Variants in INTU observed in about 807,000 individuals in gnomAD.
INTU encodes the protein inturned planar cell polarity protein, also known as protein inturned.
INTU carries 68 observed loss-of-function variants against 100.5 expected under a neutral mutation model. That is an observed-to-expected ratio of 0.68 (90% CI 0.56 to 0.83). The LOEUF is 0.83. Ranked by LOEUF, INTU falls within the 40% of genes least tolerant of loss-of-function variation. The pLI is 0.00. For missense variants in INTU, 1,071 were observed against 1,114.7 expected, an observed-to-expected ratio of 0.96 and a Z score of 0.56; for synonymous variants, 357 against 395.7, an observed-to-expected ratio of 0.90 and a Z score of 1.16.
At chr4:127,669,575 G>A (rs937034112) in intron 5 of INTU, among the ~76,000 whole-genome samples, 3 of 151,684 alleles carry the variant, frequency 2.0e-5, no homozygotes, top group Admixed American at 1.3e-4. Flanking sequence ...ATACCTTTGT[G>A]GCAAACAGAA....
chr4:127,680,973 G>GCCAAA (rs1250862142), intron 6 of INTU, among the ~76,000 whole-genome samples: 1 of 151,918 alleles, frequency 6.6e-6, no homozygotes, highest in Non-Finnish European at 1.5e-5. Flanking sequence ...CAAACAGAGA[G>GCCAAA]CCAAATCATG....
At chr4:127,675,887 C>A in intron 6 of INTU, 1 of 304,550 alleles carries the variant, frequency 3.3e-6, no homozygotes, top group Non-Finnish European at 7.0e-6. Context: ...TTCTAATTTC[C>A]ACCATTCTGT....
intron 12 of INTU, among the ~76,000 whole-genome samples, chr4:127,708,060 C>A (rs1419159911): frequency 6.6e-6 from 1 of 152,120 alleles, no homozygotes; most frequent in Non-Finnish European, 1.5e-5. Flanking sequence ...GTACTTACAT[C>A]AGTACCATAC....
At position 127,711,609 on chromosome 4, in the gene INTU, C is replaced by G. The variant is rs531215092; in HGVS notation, c.2559+507C>G. On this transcript the variant is annotated intron_variant, in intron 14 of 15. Transcript: ENST00000335251. ...GGAGGTGAGTGGCGGGCCAGGGAGCCTTACTGCCTGAGCTCTGCTTCCTAT... is the reference window on the plus strand; with the variant it reads ...GGAGGTGAGTGGCGGGCCAGGGAGCGTTACTGCCTGAGCTCTGCTTCCTAT... 1.9e-3 allele frequency among the ~76,000 whole-genome samples: 289 copies of G among 152,268 alleles called. 2 individuals are homozygous for G. Among genetic ancestry groups the G allele is most frequent in the African/African-American group, 6.5e-3 (271 of 41,546 alleles).
chr4:127,656,540 T>G, intron 2 of INTU, 96 bp from the exon 3 acceptor site: 1 of 818,324 alleles, frequency 1.2e-6, no homozygotes, highest in Non-Finnish European at 2.1e-6. Context: ...CACTGTACTT[T>G]GAGGATGTCA....
chr4:127,681,031 A>G (rs879333594), intron 6 of INTU, among the ~76,000 whole-genome samples: 16 of 151,818 alleles, frequency 1.1e-4, no homozygotes, highest in Middle Eastern at 3.4e-3. Flanking sequence ...AATACCTAGG[A>G]ATCCAACTTA....
At chr4:127,640,528 T>C (rs1727264115) in intron 1 of INTU, among the ~76,000 whole-genome samples, 1 of 136,360 alleles carries the variant, frequency 7.3e-6, no homozygotes, top group Non-Finnish European at 1.5e-5. Flanking sequence ...GGTATAGTCT[T>C]TTGGGTAAAG....
intron 11 of INTU, 106 bp downstream of exon 11, chr4:127,705,918 G>A (rs959361869): frequency 1.3e-6 from 1 of 770,312 alleles, no homozygotes; most frequent in Non-Finnish European, 2.1e-6. Flanking sequence ...TCTATTGACT[G>A]TCTAAATAAA....
chr4:127,699,055 A>G (rs553992115), intron 8 of INTU, among the ~76,000 whole-genome samples: 3 of 152,176 alleles, frequency 2.0e-5, no homozygotes, highest in Non-Finnish European at 4.4e-5. Context: ...ACAGTCCTGC[A>G]GAGAGTGCCT....
intron 5 of INTU, among the ~76,000 whole-genome samples, chr4:127,673,176 C>T (rs1729010969): frequency 6.6e-6 from 1 of 151,664 alleles, no homozygotes; most frequent in South Asian, 2.1e-4. Context: ...TGAGATGAAG[C>T]TTTTTTTTGT....
intron 1 of INTU, among the ~76,000 whole-genome samples, chr4:127,640,312 G>C (rs1022948421): frequency 2.0e-5 from 3 of 151,662 alleles, no homozygotes; most frequent in African/African-American, 7.3e-5. Context: ...AGCTCTTCAT[G>C]ATTTCTCAGT....
In INTU at chr4:127,651,463, T is replaced by A. The variant is rs1727871876; in HGVS notation, c.683-5173T>A. On this transcript the variant is annotated intron_variant, in intron 2 of 15. Coordinates refer to ENST00000335251, the MANE Select transcript of INTU (RefSeq NM_015693.4). ...GCTAGCCAGTTATCCCAGCACCATT[T>A]ATTAAATAGGGAATCCTTTCCCCAT... is the stretch of plus-strand genomic sequence containing the variant. Among the ~76,000 whole-genome samples the A allele has an allele frequency of 2.0e-5, 3 of 152,262 alleles. No homozygotes were observed. In the South Asian group the frequency reaches 6.2e-4, roughly 31 times the overall value.
chr4:127,646,858 T>G (rs184410066), intron 2 of INTU, among the ~76,000 whole-genome samples: 5 of 152,284 alleles, frequency 3.3e-5, no homozygotes, highest in African/African-American at 1.2e-4. Context: ...TGTTAGTAAA[T>G]GCATTGGCAG....
chr4:127,695,240 A>C (rs1730330457), intron 8 of INTU, among the ~76,000 whole-genome samples: 1 of 152,076 alleles, frequency 6.6e-6, no homozygotes. Flanking sequence ...TATTTTGGGG[A>C]GTGCTAAGGT....
At chr4:127,687,891 G>A in intron 8 of INTU, 24 bp downstream of exon 8, 9 of 1,482,164 alleles carry the variant, frequency 6.1e-6, no homozygotes, top group Non-Finnish European at 8.2e-6. Context: ...TTATAAAGCA[G>A]AAGCAGAACC....
intron 5 of INTU, among the ~76,000 whole-genome samples, chr4:127,671,607 A>G (rs1728930459): frequency 6.6e-6 from 1 of 152,076 alleles, no homozygotes; most frequent in Non-Finnish European, 1.5e-5. Context: ...TAACCCCATG[A>G]CTTGGTATAT....
intron 6 of INTU, among the ~76,000 whole-genome samples, chr4:127,678,003 G>A (rs1023736337): frequency 2.8e-4 from 42 of 152,296 alleles, no homozygotes; most frequent in African/African-American, 9.1e-4. Context: ...GGGTATCAGT[G>A]ATGGAAGATG....
chr4:127,707,750 A>G (rs1730948542), intron 12 of INTU, among the ~76,000 whole-genome samples: 1 of 152,224 alleles, frequency 6.6e-6, no homozygotes, highest in South Asian at 2.1e-4. Flanking sequence ...TCTAAAGAGG[A>G]TGTTCATTTT....
At chr4:127,713,809 C>A (rs994280492) in intron 14 of INTU, 127 bp from the exon 15 acceptor site, 6 of 604,890 alleles carry the variant, frequency 9.9e-6, no homozygotes, top group African/African-American at 9.2e-5. Flanking sequence ...AATTTTCCTG[C>A]AGATAAGAAG....
Sources: gnomAD v4.1 joint callset for allele counts (sites outside exome capture counted in the v4.1 genomes callset) on GRCh38, gnomAD v4.1.1 for gene constraint, MANE v1.5 for transcripts, NCBI Gene and HGNC (gene_info 2026-07-23, HGNC 2026-07-21) for gene names.